The following DDHD1 variants were observed in gnomAD, a reference collection of about 807,000 sequenced individuals.
The protein encoded by DDHD1 is phospholipase DDHD1.
In DDHD1, 49 loss-of-function variants were observed where a neutral mutation model predicts 96.4. The observed-to-expected ratio is 0.51, with a 90% confidence interval of 0.40 to 0.64. DDHD1 has a LOEUF of 0.64. Among genes scored for constraint, DDHD1 ranks in the 30% least tolerant of loss-of-function variants. The pLI is 0.00. For missense variants in DDHD1, 1,106 were observed against 1,161.2 expected (o/e 0.95, Z 0.69); for synonymous variants, 442 against 446.5 (o/e 0.99, Z 0.13).
rs1484978674 is a variant in DDHD1 at position 53,038,853 on chromosome 14, A to AAC, written c.*7913_*7914dup. 2.6e-5 allele frequency: 4 copies of AAC among 152,322 alleles called. No individual in the cohort carries two copies. The highest frequency in any genetic ancestry group is 9.6e-5 in the African/African-American group (4 of 41,562). 9.4% of individuals were successfully genotyped at this position (152,322 alleles called of 1,614,324 possible). Reference sequence around the variant, plus strand: ...CAATAACAGACACGTAGACCAATGGAACACAATAGAGAACACAGAAATAAA... The same window carrying AAC: ...CAATAACAGACACGTAGACCAATGGAACACACAATAGAGAACACAGAAATAAA... On this transcript the variant is annotated 3_prime_UTR_variant, in exon 13 of 13. Transcript: ENST00000673822.
chr14:53,053,216 G>C (rs1882759049), intron 11 of DDHD1: 1 of 151,928 alleles, frequency 6.6e-6, no homozygotes, highest in Non-Finnish European at 1.5e-5. Context: ...GAGTTTTCTT[G>C]ACATCTGCAT....
chr14:53,151,992 T>G (rs576748224), intron 1 of DDHD1, among the ~76,000 whole-genome samples: 1 of 152,258 alleles, frequency 6.6e-6, no homozygotes, highest in Admixed American at 6.5e-5. Flanking sequence ...CTGGATCACT[T>G]CCAGGGGATG....
chr14:53,086,131 C>T (rs1018596946), intron 4 of DDHD1, among the ~76,000 whole-genome samples: 5 of 152,118 alleles, frequency 3.3e-5, no homozygotes, highest in African/African-American at 1.2e-4. Context: ...AACAAAGCCT[C>T]CAAGAAATAT....
chr14:53,093,779 G>C (rs931132384), intron 2 of DDHD1: 1 of 252,198 alleles, frequency 4.0e-6, no homozygotes, highest in African/African-American at 2.4e-5. Context: ...CTCTTCACTG[G>C]GTCTAAGGCA....
Position 53,039,369 on chromosome 14 carries a change from T to A in DDHD1, c.*7399A>T, listed in dbSNP as rs2139781874. 6.6e-6 allele frequency: 1 copy of A among 152,338 alleles called. No homozygotes were observed. The highest frequency in any genetic ancestry group is 2.1e-4 in the South Asian group (1 of 4,820). The allele number at this position is 152,338 out of a possible 1,614,324, so 9.4% of individuals were successfully genotyped here. A position where few individuals can be genotyped will look rare whatever the true frequency, so the allele number is the denominator to read the frequency against. On this transcript the variant is annotated 3_prime_UTR_variant, in exon 13 of 13. Coordinates refer to ENST00000673822, the MANE Select transcript of DDHD1 (RefSeq NM_001160148.2). ...TCCTATGGAAGGCTTCTGCCCTATCTAGTTAGGGTTCTGTGCCTATTTCTT... is the reference window on the plus strand; with the variant it reads ...TCCTATGGAAGGCTTCTGCCCTATCAAGTTAGGGTTCTGTGCCTATTTCTT...
At chr14:53,075,669 T>C (rs1283773713) in intron 4 of DDHD1, among the ~76,000 whole-genome samples, 1 of 152,200 alleles carries the variant, frequency 6.6e-6, no homozygotes, top group Non-Finnish European at 1.5e-5. Context: ...CTTTGGACTT[T>C]CACAGCTAGA....
intron 1 of DDHD1, among the ~76,000 whole-genome samples, chr14:53,144,604 C>T (rs1648918081): frequency 6.6e-6 from 1 of 152,084 alleles, no homozygotes; most frequent in African/African-American, 2.4e-5. Context: ...GAAACAGATA[C>T]CAGATGTTAA....
At chr14:53,115,715 C>T (rs908619619) in intron 1 of DDHD1, among the ~76,000 whole-genome samples, 3 of 152,026 alleles carry the variant, frequency 2.0e-5, no homozygotes, top group African/African-American at 2.4e-5. Flanking sequence ...CTTACAAGAA[C>T]TCCTGAAGGA....
At chr14:53,114,051 T>C (rs868372412) in intron 1 of DDHD1, among the ~76,000 whole-genome samples, 1 of 152,110 alleles carries the variant, frequency 6.6e-6, no homozygotes, top group Admixed American at 6.5e-5. Flanking sequence ...GCGTCCACCA[T>C]TACCAAGGCT....
At chr14:53,076,708 G>T (rs1235742263) in intron 4 of DDHD1, among the ~76,000 whole-genome samples, 1 of 152,104 alleles carries the variant, frequency 6.6e-6, no homozygotes, top group East Asian at 1.9e-4. Flanking sequence ...CTTATTTTAA[G>T]AAATTGCCAC....
At chr14:53,147,692 T>C (rs1275929174) in intron 1 of DDHD1, among the ~76,000 whole-genome samples, 1 of 152,208 alleles carries the variant, frequency 6.6e-6, no homozygotes, top group Non-Finnish European at 1.5e-5. Context: ...GCCTTGGTAC[T>C]GTAAACCGAG....
intron 1 of DDHD1, among the ~76,000 whole-genome samples, chr14:53,150,484 A>G (rs771404016): frequency 2.0e-5 from 3 of 152,254 alleles, no homozygotes; most frequent in Non-Finnish European, 2.9e-5. Context: ...AAAATAATCA[A>G]TGTCAAAAAT....
rs777615996 is a variant in DDHD1 at position 53,152,757 on chromosome 14, G to A, written c.342C>T (p.Ser114=). The A allele has an allele frequency of 2.2e-5, 34 of 1,529,676 alleles. No individual in the cohort carries two copies. The highest frequency in any genetic ancestry group is 3.1e-5 in the African/African-American group (2 of 64,992). 94.8% of individuals were successfully genotyped at this position (1,529,676 alleles called of 1,614,324 possible). Residue 114 remains serine, a synonymous_variant, in exon 1 of 13, where the codon TCC becomes TCT. Transcript: ENST00000673822. Reference sequence around the variant, plus strand: ...GCTGCTGCGGCGGGTGCAGCGACAAGGAGCTGCCGCCGCCGCCGCTCTCAC... The same window carrying A: ...GCTGCTGCGGCGGGTGCAGCGACAAAGAGCTGCCGCCGCCGCCGCTCTCAC... ...SEGESGGGGS[S]LSLHPPQQPP...
intron 11 of DDHD1, chr14:53,054,051 C>T (rs1348098964): frequency 6.3e-6 from 1 of 159,292 alleles, no homozygotes; most frequent in East Asian, 1.8e-4. Context: ...TTTTTAAAGT[C>T]TCAAGACCAG....
At position 53,072,713 on chromosome 14, in the gene DDHD1, C is replaced by T. The variant is rs745641472; in HGVS notation, c.1397-10G>A. On this transcript the variant is annotated splice_polypyrimidine_tract_variant and intron_variant, in intron 5 of 12. Coordinates refer to ENST00000673822, the MANE Select transcript of DDHD1 (RefSeq NM_001160148.2). Reference sequence around the variant, plus strand: ...ATGGAATCAACAGTGTCTACAAAAACAAACAAAAAAAGCAAGTTAACTTAT... The same window carrying T: ...ATGGAATCAACAGTGTCTACAAAAATAAACAAAAAAAGCAAGTTAACTTAT... The T allele has an allele frequency of 2.5e-6, 4 of 1,580,590 alleles. No individual in the cohort carries two copies. Among genetic ancestry groups the T allele is most frequent in the Non-Finnish European group, 3.4e-6 (4 of 1,161,676 alleles).
At chr14:53,075,297 C>G (rs1037394310) in intron 4 of DDHD1, among the ~76,000 whole-genome samples, 2 of 152,098 alleles carry the variant, frequency 1.3e-5, no homozygotes, top group Non-Finnish European at 2.9e-5. Context: ...AAGTACTACT[C>G]CAGTGAACAC....
At chr14:53,055,251 G>C (rs1400468346) in intron 10 of DDHD1, among the ~76,000 whole-genome samples, 3 of 152,208 alleles carry the variant, frequency 2.0e-5, no homozygotes, top group African/African-American at 7.2e-5. Flanking sequence ...GAATCACACA[G>C]TTTGAGAGAC....
chr14:53,141,336 G>T (rs1411442449), intron 1 of DDHD1, among the ~76,000 whole-genome samples: 1 of 152,180 alleles, frequency 6.6e-6, no homozygotes, highest in Non-Finnish European at 1.5e-5. Context: ...AAGTGAAAAC[G>T]AGTGAAGATG....
chr14:53,153,060 C>T lies in DDHD1; in HGVS notation c.39G>A (p.Glu13=), dbSNP rs941854198. ...YPGRGSPRSP[E]HNGRGGGGGA... ...CGCCGCCGCCGCCTCGGCCGTTATGCTCGGGGCTCCGTGGGGACCCGCGGC... is the reference window on the plus strand; with the variant it reads ...CGCCGCCGCCGCCTCGGCCGTTATGTTCGGGGCTCCGTGGGGACCCGCGGC... The change falls in exon 1 of 13, where the codon GAG becomes GAA. Residue 13 remains glutamate (E), a synonymous_variant. Transcript: ENST00000673822. 41 of 1,480,848 alleles carry T rather than the reference C, an allele frequency of 2.8e-5. No homozygotes were observed. Among genetic ancestry groups the T allele is most frequent in the Non-Finnish European group, 3.5e-5 (39 of 1,124,228 alleles). The allele number at this position is 1,480,848 out of a possible 1,614,324, so 91.7% of individuals were successfully genotyped here. A position where few individuals can be genotyped will look rare whatever the true frequency, so the allele number is the denominator to read the frequency against.
Sources: gnomAD v4.1 joint callset for allele counts (sites outside exome capture counted in the v4.1 genomes callset) on GRCh38, gnomAD v4.1.1 for gene constraint, MANE v1.5 for transcripts, NCBI Gene and HGNC (gene_info 2026-07-23, HGNC 2026-07-21) for gene names.